Variants in TYW1B observed in about 807,000 individuals in gnomAD.
The protein encoded by TYW1B is tRNA-yW synthesizing protein 1 homolog B.
A neutral mutation model predicts 86.9 loss-of-function variants in TYW1B; 73 were observed. That is an observed-to-expected ratio of 0.84 (90% CI 0.70 to 1.02). The LOEUF is 1.02. TYW1B is among the 50% of genes least tolerant of loss of function. TYW1B has a pLI of 0.00. For missense variants in TYW1B, 637 were observed against 827.4 expected, an observed-to-expected ratio of 0.77 and a Z score of 2.82; for synonymous variants, 248 against 292.8, an observed-to-expected ratio of 0.85 and a Z score of 1.56.
chr7:72,801,832 C>A (rs1465432603), intron 6 of TYW1B, among the ~76,000 whole-genome samples: 4 of 152,114 alleles, frequency 2.6e-5, no homozygotes, highest in Non-Finnish European at 4.4e-5. Flanking sequence ...TAAGCCCCAA[C>A]ACCACTTAGT....
chr7:72,584,921 T>A (rs1554430263), intron 13 of TYW1B, among the ~76,000 whole-genome samples: 1 of 152,196 alleles, frequency 6.6e-6, no homozygotes, highest in Non-Finnish European at 1.5e-5. Flanking sequence ...ACCTCTAAAG[T>A]CAGTGTGCTC....
intron 7 of TYW1B, among the ~76,000 whole-genome samples, chr7:72,762,997 T>C (rs1787710277): frequency 6.6e-6 from 1 of 152,010 alleles, no homozygotes; most frequent in African/African-American, 2.4e-5. Context: ...CTCTATAATA[T>C]AGTATACACT....
chr7:72,692,810 A>C (rs569997272), intron 11 of TYW1B, among the ~76,000 whole-genome samples: 2 of 152,300 alleles, frequency 1.3e-5, no homozygotes, highest in East Asian at 3.9e-4. Flanking sequence ...CTGGGGAGAC[A>C]GTAACCGAAG....
chr7:72,768,833 GC>G, intron 7 of TYW1B: 1 of 256,642 alleles, frequency 3.9e-6, no homozygotes. Flanking sequence ...AGGATCCTGT[GC>G]CCTATATGAC....
intron 11 of TYW1B, among the ~76,000 whole-genome samples, chr7:72,635,268 CT>C (rs2129568893): frequency 6.6e-6 from 1 of 152,196 alleles, no homozygotes; most frequent in East Asian, 1.9e-4. Flanking sequence ...TTTTTCTATT[CT>C]GTTCCACTGA....
At chr7:72,658,368 A>C (rs1554443995) in intron 11 of TYW1B, among the ~76,000 whole-genome samples, 1 of 152,232 alleles carries the variant, frequency 6.6e-6, no homozygotes, top group African/African-American at 2.4e-5. Context: ...ACACATTAAA[A>C]ATATTGTTAC....
At chr7:72,597,672 C>T (rs1811570109) in intron 13 of TYW1B, among the ~76,000 whole-genome samples, 1 of 152,158 alleles carries the variant, frequency 6.6e-6, no homozygotes, top group Non-Finnish European at 1.5e-5. Context: ...GATAGGATTA[C>T]AGATTTGAAA....
At chr7:72,607,996 C>T (rs555347876) in intron 13 of TYW1B, among the ~76,000 whole-genome samples, 1 of 152,210 alleles carries the variant, frequency 6.6e-6, no homozygotes, top group South Asian at 2.1e-4. Flanking sequence ...GAAAAACAAT[C>T]AAATGACAAA....
rs1169919502 is a variant in TYW1B at position 72,784,087 on chromosome 7, T to A, written c.847-6554A>T. ...AATTAATGATGCTGATGTTAGTCTT[T>A]GTCTGCTTAGCCAGAACATTGCTGT... On this transcript the variant is annotated intron_variant, in intron 6 of 13. Coordinates refer to ENST00000620995, the MANE Select transcript of TYW1B (RefSeq NM_001145440.3). Among the ~76,000 whole-genome samples the A allele has an allele frequency of 2.0e-5, 3 of 152,148 alleles. No homozygotes were observed. The East Asian group carries it at 5.8e-4, about 29-fold the overall frequency.
intron 6 of TYW1B, among the ~76,000 whole-genome samples, chr7:72,781,920 C>T (rs1405558557): frequency 6.6e-6 from 1 of 152,204 alleles, no homozygotes; most frequent in African/African-American, 2.4e-5. Context: ...GACAGGACTA[C>T]ATGAATCTTA....
At chr7:72,786,682 C>A (rs1788136294) in intron 6 of TYW1B, among the ~76,000 whole-genome samples, 1 of 150,098 alleles carries the variant, frequency 6.7e-6, no homozygotes, top group African/African-American at 2.5e-5. Context: ...GTCAAGCAAT[C>A]CTCCCACCTT....
chr7:72,624,439 T>C (rs1390259357), intron 12 of TYW1B, among the ~76,000 whole-genome samples: 2 of 152,260 alleles, frequency 1.3e-5, no homozygotes, highest in East Asian at 3.8e-4. Flanking sequence ...TAATCAAGGA[T>C]GTAAAATGCA....
At chr7:72,592,564 G>C (rs1241507288) in intron 13 of TYW1B, among the ~76,000 whole-genome samples, 1 of 152,154 alleles carries the variant, frequency 6.6e-6, no homozygotes. Flanking sequence ...TACTTTCGAT[G>C]CCTATTAATT....
At chr7:72,718,937 T>C (rs1786840659) in intron 9 of TYW1B, among the ~76,000 whole-genome samples, 1 of 152,104 alleles carries the variant, frequency 6.6e-6, no homozygotes, top group African/African-American at 2.4e-5. Context: ...AAGGTAGTTT[T>C]ATATCCTTGG....
intron 3 of TYW1B, among the ~76,000 whole-genome samples, chr7:72,815,100 G>A (rs1208405575): frequency 6.7e-6 from 1 of 150,288 alleles, no homozygotes; most frequent in African/African-American, 2.4e-5. Context: ...AGAAAATTGT[G>A]GGAAGGAGTG....
rs1554439336 is a variant in TYW1B, at chr7:72,628,898, T to A, written c.1606A>T (p.Ile536Phe). ...CAGCAGGGGCTTACCTTCACTTCGA[T>A]GAAGTCAGGATTCCCCAGGGACACG... ...QLVSLGNPDF[I>F]EVKGVTYCRE... Residue 536 changes from isoleucine to phenylalanine, a missense_variant, in exon 12 of 14, where the codon ATC becomes TTC. By Grantham distance (21) the Ile-to-Phe change is conservative. Coordinates refer to ENST00000620995, the MANE Select transcript of TYW1B (RefSeq NM_001145440.3). 3.8e-6 allele frequency: 6 copies of A among 1,588,632 alleles called. 1 individual carries two copies. The South Asian group carries it at 6.9e-5, about 18-fold the overall frequency.
chr7:72,694,894 T>C (rs1554451186), intron 10 of TYW1B, 72 bp from the exon 11 acceptor site: 1 of 1,527,206 alleles, frequency 6.5e-7, no homozygotes, highest in African/African-American at 1.4e-5. Context: ...ATATAAAACC[T>C]GTAATAGACA....
At chr7:72,613,079 A>AG (rs1345503284) in intron 13 of TYW1B, among the ~76,000 whole-genome samples, 5 of 152,146 alleles carry the variant, frequency 3.3e-5, no homozygotes, top group Non-Finnish European at 7.3e-5. Context: ...AAGAAAGGGA[A>AG]GGGGGGAACT....
chr7:72,713,610 G>A lies in TYW1B; in HGVS notation c.1370+11C>T. On this transcript the variant is annotated intron_variant, in intron 10 of 13. Transcript: ENST00000620995. ...TTCAAGCAGCATCTCTCCATAGGCT[G>A]GAGAACTCACCTGATTTCCGCAGGA... The A allele has an allele frequency of 6.2e-7, 1 of 1,609,758 alleles. No individual in the cohort carries two copies. The highest frequency in any genetic ancestry group is 1.3e-5 in the African/African-American group (1 of 74,928).
Sources: gnomAD v4.1 joint callset for allele counts (sites outside exome capture counted in the v4.1 genomes callset) on GRCh38, gnomAD v4.1.1 for gene constraint, MANE v1.5 for transcripts, NCBI Gene and HGNC (gene_info 2026-07-23, HGNC 2026-07-21) for gene names.